SGK3: variants seen among roughly 807,000 people sequenced by gnomAD.
The protein encoded by SGK3 is serine/threonine-protein kinase Sgk3.
Under a neutral mutation model 68.5 loss-of-function variants are expected in SGK3, and 47 were observed. The observed-to-expected ratio is 0.69, with a 90% CI of 0.54 to 0.87. SGK3 has a LOEUF of 0.87. Ranked by LOEUF, SGK3 falls within the 40% of genes least tolerant of loss-of-function variation. SGK3 has a pLI of 0.00. For synonymous variants in SGK3, 181 were observed against 189.1 expected, an observed-to-expected ratio of 0.96 and a Z score of 0.35; for missense variants, 479 against 575.5, an observed-to-expected ratio of 0.83 and a Z score of 1.72.
intron 10 of SGK3, among the ~76,000 whole-genome samples, chr8:66,838,925 A>G (rs1034680793): frequency 1.3e-5 from 2 of 152,208 alleles, no homozygotes; most frequent in African/African-American, 4.8e-5. Flanking sequence ...ATAAAAACAA[A>G]TAAGTTTTAT....
intron 8 of SGK3, among the ~76,000 whole-genome samples, chr8:66,833,849 G>A (rs1809400866): frequency 6.6e-6 from 1 of 151,700 alleles, no homozygotes; most frequent in African/African-American, 2.4e-5. Context: ...GTGCCACCAC[G>A]CCCTGCTAAT....
rs1171254086 is a variant in SGK3, at chr8:66,835,750, TTAACTA to T, written c.526-8_526-3del. 1.2e-6 allele frequency: 2 copies of T among 1,607,434 alleles called. No individual in the cohort carries two copies. Among genetic ancestry groups the T allele is most frequent in the Non-Finnish European group, 1.7e-6 (2 of 1,178,432 alleles). On this transcript the variant is annotated splice_region_variant and splice_polypyrimidine_tract_variant and intron_variant, in intron 8 of 16. Transcript: ENST00000521198. Reference sequence around the variant, plus strand: ...AATTTCTAATAGTATACACTAATGTTTAACTATAACAGGTTCTTCTTGCAAAACGGA... The same window carrying T: ...AATTTCTAATAGTATACACTAATGTTTAACAGGTTCTTCTTGCAAAACGGA...
intron 1 of SGK3, among the ~76,000 whole-genome samples, chr8:66,744,487 A>G (rs542353905): frequency 0.22 from 6,082 of 27,334 alleles, 381 homozygotes; most frequent in African/African-American, 0.38. Context: ...GTGTGTGTAT[A>G]TATATATATA....
At chr8:66,725,593 C>T (rs886278374) in intron 1 of SGK3, among the ~76,000 whole-genome samples, 8 of 151,738 alleles carry the variant, frequency 5.3e-5, no homozygotes, top group South Asian at 2.1e-4. Context: ...ATATATCTAG[C>T]GTTCTTTTTC....
At chr8:66,813,637 A>G (rs538152526) in intron 4 of SGK3, among the ~76,000 whole-genome samples, 138 of 149,516 alleles carry the variant, frequency 9.2e-4, no homozygotes, top group African/African-American at 3.1e-3. Flanking sequence ...ATTTTAATAT[A>G]TAACTACATA....
At chr8:66,820,108 A>AC (rs1808749112) in intron 5 of SGK3, among the ~76,000 whole-genome samples, 1 of 152,006 alleles carries the variant, frequency 6.6e-6, no homozygotes, top group African/African-American at 2.4e-5. Flanking sequence ...GAGCCACTGC[A>AC]CCCAGCCCAG....
chr8:66,796,653 T>G (rs754984001), intron 2 of SGK3, among the ~76,000 whole-genome samples: 9 of 152,146 alleles, frequency 5.9e-5, no homozygotes, highest in Non-Finnish European at 7.4e-5. Context: ...TTCTATACCA[T>G]GAAGCTTCTA....
intron 4 of SGK3, among the ~76,000 whole-genome samples, chr8:66,806,767 T>TCGCAC (rs1808182262): frequency 1.4e-5 from 2 of 141,988 alleles, no homozygotes; most frequent in Non-Finnish European, 3.0e-5. Context: ...TGAGCCAAGA[T>TCGCAC]CGCACCATTG....
chr8:66,722,153 C>T (rs549848373), intron 1 of SGK3, among the ~76,000 whole-genome samples: 3 of 152,282 alleles, frequency 2.0e-5, no homozygotes, highest in South Asian at 4.1e-4. Flanking sequence ...TGTAAAGGTG[C>T]GTGGGCCAGA....
In SGK3 at chr8:66,841,101, G is replaced by A; in HGVS notation, c.969G>A (p.Gly323=). 6.3e-7 allele frequency: 1 copy of A among 1,583,644 alleles called. No homozygotes were observed. Among genetic ancestry groups the A allele is most frequent in the South Asian group, 1.2e-5 (1 of 85,252 alleles). The change falls in exon 13 of 17, where the codon GGG becomes GGA. Residue 323 remains glycine, a synonymous_variant. Transcript: ENST00000521198. ...CTGACACCACTACCACATTTTGTGG[G>A]ACACCAGAGGTAAGAAATATATCTC... ...AISDTTTTFC[G]TPEYLAPEVI...
chr8:66,722,521 C>G (rs567294440), intron 1 of SGK3, among the ~76,000 whole-genome samples: 8 of 152,222 alleles, frequency 5.3e-5, no homozygotes, highest in Non-Finnish European at 8.8e-5. Context: ...ATCCGCCCAC[C>G]TTGGCCTCCC....
chr8:66,747,048 G>A lies in SGK3; in HGVS notation c.-122+34215G>A, dbSNP rs182707547. On this transcript the variant is annotated intron_variant, in intron 1 of 16. Coordinates refer to ENST00000521198, the MANE Select transcript of SGK3 (RefSeq NM_001033578.3). Reference sequence around the variant, plus strand: ...TATATAGATTTTAAATTGCCTTTTAGAATTTCTCATTTCAAAAAAAAAAGG... The same window carrying A: ...TATATAGATTTTAAATTGCCTTTTAAAATTTCTCATTTCAAAAAAAAAAGG... Among the ~76,000 whole-genome samples the A allele has an allele frequency of 2.0e-5, 3 of 151,436 alleles. No homozygotes were observed. In the East Asian group the frequency reaches 5.8e-4, roughly 29 times the overall value.
intron 1 of SGK3, among the ~76,000 whole-genome samples, chr8:66,761,580 C>A (rs756998194): frequency 1.3e-5 from 2 of 152,092 alleles, no homozygotes; most frequent in Non-Finnish European, 2.9e-5. Context: ...ACCACCCTAG[C>A]CAAAATGGCA....
intron 4 of SGK3, among the ~76,000 whole-genome samples, chr8:66,810,225 C>CA (rs942203678): frequency 4.1e-4 from 58 of 140,282 alleles, no homozygotes; most frequent in South Asian, 1.1e-3. Context: ...CCCCCCACAC[C>CA]AAAAAAAACA....
At position 66,861,925 on chromosome 8, in the gene SGK3, T is replaced by A. The variant is rs1244339609; in HGVS notation, c.*2344T>A. On this transcript the variant is annotated 3_prime_UTR_variant, in exon 17 of 17. Transcript: ENST00000521198. ...TGCCAAAAATTAAAGTGCAATATTG[T>A]ATATTTTTAAGAACAAATTTAAAAT... The A allele has an allele frequency of 6.6e-6, 1 of 152,224 alleles. No homozygotes were observed. Among genetic ancestry groups the A allele is most frequent in the Non-Finnish European group, 1.5e-5 (1 of 68,040 alleles). The allele number at this position is 152,224 out of a possible 1,614,324, so 9.4% of individuals were successfully genotyped here. A position where few individuals can be genotyped will look rare whatever the true frequency, so the allele number is the denominator to read the frequency against.
chr8:66,802,001 T>A (rs1455532072), intron 3 of SGK3, among the ~76,000 whole-genome samples: 2 of 152,246 alleles, frequency 1.3e-5, no homozygotes, highest in Non-Finnish European at 2.9e-5. Context: ...TGTGAAACAT[T>A]CCATCTTTGG....
chr8:66,750,739 T>A (rs1236662134), intron 1 of SGK3, among the ~76,000 whole-genome samples: 4 of 151,206 alleles, frequency 2.6e-5, no homozygotes, highest in African/African-American at 7.3e-5. Flanking sequence ...GTGTGGTAGC[T>A]CACACCTGTA....
intron 1 of SGK3, among the ~76,000 whole-genome samples, chr8:66,734,228 CTTTTTTTTTTTTT>C (rs529741200): frequency 1.9e-5 from 2 of 104,232 alleles, no homozygotes; most frequent in African/African-American, 6.7e-5. Context: ...CTTTTTCTTT[CTTTTTTTTTTTTT>C]TTTTTTTTAC....
chr8:66,809,546 GA>G (rs1322111740), intron 4 of SGK3, among the ~76,000 whole-genome samples: 5 of 146,984 alleles, frequency 3.4e-5, no homozygotes, highest in Middle Eastern at 3.5e-3. Flanking sequence ...CTTGTTTGGG[GA>G]AAAAAAAAAC....
Sources: gnomAD v4.1 joint callset for allele counts (sites outside exome capture counted in the v4.1 genomes callset) on GRCh38, gnomAD v4.1.1 for gene constraint, MANE v1.5 for transcripts, NCBI Gene and HGNC (gene_info 2026-07-23, HGNC 2026-07-21) for gene names.